The following TMEM169 variants were observed in gnomAD, a reference collection of about 807,000 sequenced individuals.
The protein encoded by TMEM169 is transmembrane protein 169.
Under a neutral mutation model 27.3 loss-of-function variants are expected in TMEM169, and 18 were observed. The ratio of observed to expected loss-of-function variants is 0.66; its 90% CI spans 0.46 to 0.98. The LOEUF (loss-of-function observed/expected upper bound fraction) is 0.98. Among genes scored for constraint, TMEM169 ranks in the 50% least tolerant of loss-of-function variants. The pLI, the probability that TMEM169 is intolerant of heterozygous loss-of-function variation, is 0.00. For missense variants in TMEM169, 320 were observed against 368.6 expected (o/e 0.87, Z 1.08); for synonymous variants, 136 against 142.1 (o/e 0.96, Z 0.30).
chr2:216,091,126 C>CA (rs565974242), intron 1 of TMEM169, among the ~76,000 whole-genome samples: 1 of 152,162 alleles, frequency 6.6e-6, no homozygotes, highest in Non-Finnish European at 1.5e-5. Context: ...GGTTAATTTC[C>CA]AAAAACATGT....
In TMEM169 at chr2:216,101,649, T is replaced by C. The variant is rs1696398503; in HGVS notation, c.*1107T>C. On this transcript the variant is annotated 3_prime_UTR_variant, in exon 3 of 3. Coordinates refer to ENST00000437356, the MANE Select transcript of TMEM169 (RefSeq NM_001142311.2). ...GCGTGCCACCATACCCGGCTAATTT[T>C]TGTATTTTTTTTTTAGTAGAGATGG... The C allele has an allele frequency of 6.9e-6, 1 of 145,602 alleles. No individual in the cohort carries two copies. Among genetic ancestry groups the C allele is most frequent in the African/African-American group, 2.9e-5 (1 of 35,010 alleles). 9.0% of individuals were successfully genotyped at this position (145,602 alleles called of 1,614,324 possible).
chr2:216,088,797 C>G (rs1005257845), intron 1 of TMEM169, among the ~76,000 whole-genome samples: 2 of 152,148 alleles, frequency 1.3e-5, no homozygotes, highest in Non-Finnish European at 2.9e-5. Flanking sequence ...TGTGGTGTTT[C>G]CTTCTTTATC....
At chr2:216,092,630 C>T (rs138948610) in intron 1 of TMEM169, among the ~76,000 whole-genome samples, 2 of 152,360 alleles carry the variant, frequency 1.3e-5, no homozygotes, top group African/African-American at 2.4e-5. Context: ...TGTCTCCCTT[C>T]TGAACATCTT....
chr2:216,101,830 A>G lies in TMEM169; in HGVS notation c.*1288A>G, dbSNP rs1016267732. On this transcript the variant is annotated 3_prime_UTR_variant, in exon 3 of 3. Transcript: ENST00000437356. The stretch of plus-strand genomic sequence containing the variant: ...CAATGATCATTTAAATACATTCAGA[A>G]CCCCCAAACTGCTAATATGGTTTTA... The G allele has an allele frequency of 2.4e-4, 36 of 151,066 alleles. No homozygotes were observed. The highest frequency in any genetic ancestry group is 8.5e-4 in the African/African-American group (35 of 41,062). The allele number at this position is 151,066 out of a possible 1,614,324, so 9.4% of individuals were successfully genotyped here.
intron 1 of TMEM169, among the ~76,000 whole-genome samples, chr2:216,094,781 A>T (rs1168930430): frequency 6.6e-6 from 1 of 152,248 alleles, no homozygotes; most frequent in Non-Finnish European, 1.5e-5. Context: ...CAGGAAAAAA[A>T]AATGAAGGAC....
intron 1 of TMEM169, among the ~76,000 whole-genome samples, chr2:216,084,503 T>A (rs1695953292): frequency 6.6e-6 from 1 of 152,244 alleles, no homozygotes; most frequent in South Asian, 2.1e-4. Context: ...TTTGTTGGCC[T>A]ACTTCTATGG....
chr2:216,094,214 G>C (rs1462172586), intron 1 of TMEM169, among the ~76,000 whole-genome samples: 1 of 152,176 alleles, frequency 6.6e-6, no homozygotes, highest in Non-Finnish European at 1.5e-5. Flanking sequence ...GTAGAAGCTT[G>C]CGATTCTGAA....
rs755426467 is a variant in TMEM169 at position 216,100,225 on chromosome 2, G to A, written c.577G>A (p.Val193Met). Residue 193 changes from valine (V) to methionine (M), a missense_variant, in exon 3 of 3, where the codon GTG (valine) becomes ATG (methionine). By Grantham distance (21) the Val-to-Met change is conservative (BLOSUM62 1). Transcript: ENST00000437356. ...GTITWYNIFLVYNEERTFWHK... is the reference protein window; with the variant it reads ...GTITWYNIFLMYNEERTFWHK... ...TATCACCTGGTACAACATCTTCCTC[G>A]TGTATAATGAGGAAAGGACCTTCTG... 17 of 1,613,350 alleles carry A rather than the reference G, an allele frequency of 1.1e-5. No individual in the cohort carries two copies. Among genetic ancestry groups the A allele is most frequent in the South Asian group, 3.3e-5 (3 of 91,052 alleles).
At chr2:216,086,818 A>G (rs1485357825) in intron 1 of TMEM169, among the ~76,000 whole-genome samples, 1 of 152,260 alleles carries the variant, frequency 6.6e-6, no homozygotes, top group Non-Finnish European at 1.5e-5. Context: ...GATGCCATCT[A>G]TAATCTATAC....
At position 216,100,283 on chromosome 2, in the gene TMEM169, T is replaced by G. The variant is rs1317172526; in HGVS notation, c.635T>G (p.Leu212Arg). The change falls in exon 3 of 3, where the codon CTC becomes CGC. Residue 212 changes from leucine (L) to arginine (R), a missense_variant. Leu to Arg is a moderately radical substitution (Grantham distance 102). Coordinates refer to ENST00000437356, the MANE Select transcript of TMEM169 (RefSeq NM_001142311.2). ...HKISYCPCLV[L>R]FYPVLIMAMA... ...ATCTCGTATTGCCCTTGCCTCGTTC[T>G]CTTCTATCCAGTGCTCATCATGGCC... 1 of 1,613,720 alleles carries G rather than the reference T, an allele frequency of 6.2e-7. No homozygotes were observed. Among genetic ancestry groups the G allele is most frequent in the Non-Finnish European group, 8.5e-7 (1 of 1,179,986 alleles).
chr2:216,096,170 A>G lies in TMEM169; in HGVS notation c.207A>G (p.Ser69=), dbSNP rs1358949578. The part of the protein sequence containing the change: ...NEKTDEEPGE[S]EGGDQPKEEE... ...AAACAGATGAGGAGCCCGGAGAATCAGAAGGTGGAGATCAGCCTAAAGAGG... is the reference window on the plus strand; with the variant it reads ...AAACAGATGAGGAGCCCGGAGAATCGGAAGGTGGAGATCAGCCTAAAGAGG... Residue 69 remains serine, a synonymous_variant, in exon 2 of 3, where the codon TCA becomes TCG. Transcript: ENST00000437356. 1.2e-6 allele frequency: 2 copies of G among 1,614,216 alleles called. No individual in the cohort carries two copies. The highest frequency in any genetic ancestry group is 1.3e-5 in the African/African-American group (1 of 75,074).
At chr2:216,098,085 G>C (rs1696302535) in intron 2 of TMEM169, among the ~76,000 whole-genome samples, 1 of 152,086 alleles carries the variant, frequency 6.6e-6, no homozygotes, top group Non-Finnish European at 1.5e-5. Context: ...GTAGGCAGAG[G>C]CTGGATCATG....
At chr2:216,083,083 G>C (rs1024042558) in intron 1 of TMEM169, 2 of 152,258 alleles carry the variant, frequency 1.3e-5, no homozygotes, top group Non-Finnish European at 2.9e-5. Context: ...GTCCTTCTCT[G>C]ATCTCTTTTT....
At chr2:216,083,530 T>C (rs1695923276) in intron 1 of TMEM169, among the ~76,000 whole-genome samples, 1 of 152,136 alleles carries the variant, frequency 6.6e-6, no homozygotes, top group Admixed American at 6.5e-5. Flanking sequence ...ACCTATAGAT[T>C]CTTAGAGGTG....
chr2:216,095,736 A>G (rs993939226), intron 1 of TMEM169, 102 bp from the exon 2 acceptor site: 3 of 487,414 alleles, frequency 6.2e-6, no homozygotes, highest in Non-Finnish European at 1.1e-5. Flanking sequence ...CAAGAAGTAA[A>G]GGGAGAGGAA....
chr2:216,094,845 TA>T (rs1696223557), intron 1 of TMEM169, among the ~76,000 whole-genome samples: 1 of 152,166 alleles, frequency 6.6e-6, no homozygotes, highest in South Asian at 2.1e-4. Context: ...ACTGTTATTT[TA>T]AGGGGGAAAG....
chr2:216,096,006 A>G lies in TMEM169; in HGVS notation c.43A>G (p.Ser15Gly). The change falls in exon 2 of 3, where the codon AGC becomes GGC. Residue 15 changes from serine to glycine, a missense_variant. Transcript: ENST00000437356. ...AGTAGAAGGCCAGGTCCAGCTTCCAAGCCCCCACCAGGGCTCTCTCAGGAA... is the reference window on the plus strand; with the variant it reads ...AGTAGAAGGCCAGGTCCAGCTTCCAGGCCCCCACCAGGGCTCTCTCAGGAA... ...TAVEGQVQLP[S>G]PHQGSLRKAV... 6.2e-7 allele frequency: 1 copy of G among 1,614,140 alleles called. No individual in the cohort carries two copies. The highest frequency in any genetic ancestry group is 8.5e-7 in the Non-Finnish European group (1 of 1,180,036).
At chr2:216,091,767 G>A (rs1696134631) in intron 1 of TMEM169, among the ~76,000 whole-genome samples, 1 of 152,030 alleles carries the variant, frequency 6.6e-6, no homozygotes, top group Admixed American at 6.6e-5. Flanking sequence ...TTTTCTTATG[G>A]CAGCCCAAAT....
At chr2:216,086,160 G>T (rs560218634) in intron 1 of TMEM169, among the ~76,000 whole-genome samples, 58 of 152,094 alleles carry the variant, frequency 3.8e-4, no homozygotes, top group African/African-American at 1.3e-3. Flanking sequence ...TGCCTCCCGG[G>T]TTCAAGCGAT....
Sources: allele counts gnomAD v4.1 joint callset (sites outside exome capture counted in the v4.1 genomes callset), GRCh38; gene constraint gnomAD v4.1.1; transcripts MANE v1.5; gene names NCBI Gene and HGNC (gene_info 2026-07-23, HGNC 2026-07-21).